SLC24A2: variants seen among roughly 807,000 people sequenced by gnomAD.
SLC24A2 encodes sodium/potassium/calcium exchanger 2.
A neutral mutation model predicts 62.0 loss-of-function variants in SLC24A2; 36 were observed. That is an observed-to-expected ratio of 0.58 (90% CI 0.44 to 0.77). SLC24A2 has a LOEUF of 0.77. SLC24A2 is among the 30% of genes least tolerant of loss of function. The pLI is 0.00. For synonymous variants in SLC24A2, 358 were observed against 294.0 expected, an observed-to-expected ratio of 1.22 and a Z score of -2.23; for missense variants, 846 against 817.9, an observed-to-expected ratio of 1.03 and a Z score of -0.42.
chr9:19,948,017 T>G, the SLC24A2 span, among the ~76,000 whole-genome samples: 3 of 152,196 alleles, frequency 2.0e-5, no homozygotes, highest in African/African-American at 7.2e-5. Flanking sequence ...GCTTTTGTGC[T>G]TAATTCAAAA....
the SLC24A2 span, among the ~76,000 whole-genome samples, chr9:20,151,576 G>A: frequency 1.7e-4 from 26 of 151,898 alleles, no homozygotes; most frequent in Admixed American, 1.6e-3. Context: ...AGGAGAAAAG[G>A]CATGCATCAC....
the SLC24A2 span, among the ~76,000 whole-genome samples, chr9:19,875,422 A>G: frequency 6.6e-6 from 1 of 152,212 alleles, no homozygotes; most frequent in Non-Finnish European, 1.5e-5. Context: ...AGAGTCTCTA[A>G]CTGAAAAGCA....
At chr9:19,680,507 G>C (rs1330338870) in intron 2 of SLC24A2, among the ~76,000 whole-genome samples, 1 of 141,982 alleles carries the variant, frequency 7.0e-6, no homozygotes, top group Admixed American at 7.4e-5. Context: ...GAAAATCCGA[G>C]TTTCTTTGTA....
chr9:20,230,235 T>C, the SLC24A2 span, among the ~76,000 whole-genome samples: 5 of 152,196 alleles, frequency 3.3e-5, no homozygotes, highest in African/African-American at 1.2e-4. Flanking sequence ...TTATAATCCT[T>C]TGGGTATATA....
rs539938646 is a variant in SLC24A2, at chr9:19,561,172, C to A, written c.1348-10904G>T. On this transcript the variant is annotated intron_variant, in intron 7 of 10. Coordinates refer to ENST00000341998, the MANE Select transcript of SLC24A2 (RefSeq NM_020344.4). ...CTTGAACTCTTGACCTCAAGTGATCCACCCACCTTGGCTTCCCAAAGTGCT... is the reference window on the plus strand; with the variant it reads ...CTTGAACTCTTGACCTCAAGTGATCAACCCACCTTGGCTTCCCAAAGTGCT... 2.0e-5 allele frequency among the ~76,000 whole-genome samples: 3 copies of A among 152,136 alleles called. No individual in the cohort carries two copies. The South Asian group carries it at 6.2e-4, about 32-fold the overall frequency.
chr9:19,525,391 CTTTT>C lies in SLC24A2; in HGVS notation c.1569+2654_1569+2657del, dbSNP rs572919824. ...AAGGTTTTTTTTTCCTATTTCTTTA[CTTTT>C]TTTTTTTTTTTTTTTTTTTTTTTTA... On this transcript the variant is annotated intron_variant, in intron 9 of 10. Coordinates refer to ENST00000341998, the MANE Select transcript of SLC24A2 (RefSeq NM_020344.4). 4.3e-3 allele frequency among the ~76,000 whole-genome samples: 332 copies of C among 76,362 alleles called. 2 individuals carry two copies. Among genetic ancestry groups the C allele is most frequent in the African/African-American group, 0.013 (227 of 17,612 alleles). The allele number at this position is 76,362 out of a possible 152,430, so 50.1% of individuals were successfully genotyped here.
chr9:19,984,431 C>T, the SLC24A2 span, among the ~76,000 whole-genome samples: 1 of 152,136 alleles, frequency 6.6e-6, no homozygotes, highest in African/African-American at 2.4e-5. Context: ...CCAGGCCAGG[C>T]ACGGTGGCTC....
chr9:19,834,335 T>C, the SLC24A2 span, among the ~76,000 whole-genome samples: 1 of 152,034 alleles, frequency 6.6e-6, no homozygotes. Context: ...GAAAAAAAAT[T>C]AGACGAATGG....
At chr9:19,788,430 G>T in intron 1 of SLC24A2, 1 of 849,468 alleles carries the variant, frequency 1.2e-6, no homozygotes, top group South Asian at 5.4e-5. Flanking sequence ...GCCTCCGTAG[G>T]AGAATGTTCG....
chr9:20,155,825 C>G, the SLC24A2 span, among the ~76,000 whole-genome samples: 1 of 151,654 alleles, frequency 6.6e-6, no homozygotes, highest in Non-Finnish European at 1.5e-5. Context: ...TATTTGAAAT[C>G]AAAATCCACC....
At chr9:19,634,555 C>T (rs968041452) in intron 2 of SLC24A2, among the ~76,000 whole-genome samples, 22 of 152,038 alleles carry the variant, frequency 1.4e-4, no homozygotes, top group Non-Finnish European at 2.9e-5. Context: ...CCCAAAGTGC[C>T]GGGATTATAG....
intron 2 of SLC24A2, chr9:19,705,728 T>A (rs35090202): frequency 0.16 from 24,813 of 159,208 alleles, 2,220 homozygotes; most frequent in Middle Eastern, 0.22. Flanking sequence ...TCAGTTTCCA[T>A]GTAGTTGAGC....
chr9:20,294,814 T>TG, the SLC24A2 span, among the ~76,000 whole-genome samples: 1 of 152,074 alleles, frequency 6.6e-6, no homozygotes, highest in Non-Finnish European at 1.5e-5. Context: ...ACAGTACAAA[T>TG]GGCCACCCAA....
At chr9:19,872,789 A>T in the SLC24A2 span, among the ~76,000 whole-genome samples, 4 of 152,204 alleles carry the variant, frequency 2.6e-5, no homozygotes, top group Non-Finnish European at 4.4e-5. Context: ...GGATTTTGGC[A>T]GTCCTGGGTC....
chr9:19,763,991 C>A (rs1822430091), intron 2 of SLC24A2, among the ~76,000 whole-genome samples: 1 of 152,122 alleles, frequency 6.6e-6, no homozygotes, highest in Non-Finnish European at 1.5e-5. Flanking sequence ...AATTTCAGAA[C>A]TTGTTATTGG....
chr9:20,208,898 A>G, the SLC24A2 span, among the ~76,000 whole-genome samples: 2 of 152,214 alleles, frequency 1.3e-5, no homozygotes, highest in African/African-American at 2.4e-5. Context: ...CATGGGGAGC[A>G]AGGAAGTGGA....
the SLC24A2 span, among the ~76,000 whole-genome samples, chr9:20,019,020 G>C: frequency 6.6e-6 from 1 of 150,708 alleles, no homozygotes; most frequent in African/African-American, 2.4e-5. Context: ...CTGAGATTAT[G>C]CCACAACACT....
chr9:20,191,767 G>T, the SLC24A2 span, among the ~76,000 whole-genome samples: 2 of 151,788 alleles, frequency 1.3e-5, no homozygotes, highest in Non-Finnish European at 2.9e-5. Flanking sequence ...AAATGAATTT[G>T]ATTTAATTTT....
chr9:19,910,783 C>G, the SLC24A2 span, among the ~76,000 whole-genome samples: 1 of 152,034 alleles, frequency 6.6e-6, no homozygotes, highest in African/African-American at 2.4e-5. Context: ...CCAGAGAATC[C>G]TTCCTGGAGG....
Sources: gnomAD v4.1 joint callset for allele counts (sites outside exome capture counted in the v4.1 genomes callset) on GRCh38, gnomAD v4.1.1 for gene constraint, MANE v1.5 for transcripts, NCBI Gene and HGNC (gene_info 2026-07-23, HGNC 2026-07-21) for gene names.